Variants in PTPRN2 observed in about 807,000 individuals in gnomAD.
PTPRN2 encodes the protein protein tyrosine phosphatase receptor type N2.
PTPRN2 carries 74 observed loss-of-function variants against 118.8 expected under a neutral mutation model. The observed-to-expected ratio is 0.62, with a 90% confidence interval of 0.52 to 0.76. The LOEUF (loss-of-function observed/expected upper bound fraction) is 0.76, where lower values mean the gene tolerates loss of function less well. Among genes scored for constraint, PTPRN2 ranks in the 30% least tolerant of loss-of-function variants. The probability of loss-of-function intolerance (pLI) is 0.00; values close to 1 mark genes in which losing one functional copy is unlikely to be tolerated. For missense variants in PTPRN2, 1,481 were observed against 1,394.4 expected (o/e 1.06, Z -0.99); for synonymous variants, 641 against 608.0 (o/e 1.05, Z -0.80).
chr7:157,737,752 G>A (rs117251297), intron 12 of PTPRN2, among the ~76,000 whole-genome samples: 3,367 of 152,372 alleles, frequency 0.022, 48 homozygotes, highest in Non-Finnish European at 0.03. Flanking sequence ...CGTGGGTGCC[G>A]GCTGGGGCGC....
At chr7:157,835,283 A>G (rs1461797467) in intron 12 of PTPRN2, among the ~76,000 whole-genome samples, 1 of 152,184 alleles carries the variant, frequency 6.6e-6, no homozygotes, top group Non-Finnish European at 1.5e-5. Context: ...ACACAACGGG[A>G]AAAACAGGGT....
At chr7:158,077,174 G>T (rs998984721) in intron 11 of PTPRN2, among the ~76,000 whole-genome samples, 2 of 152,158 alleles carry the variant, frequency 1.3e-5, no homozygotes, top group East Asian at 3.9e-4. Flanking sequence ...GTCCAGTTCT[G>T]AGCCGGGATT....
At chr7:157,921,699 G>A (rs1440561424) in intron 11 of PTPRN2, among the ~76,000 whole-genome samples, 1 of 152,240 alleles carries the variant, frequency 6.6e-6, no homozygotes, top group East Asian at 1.9e-4. Context: ...CCAGGGCATG[G>A]CGCAGTAAGA....
intron 12 of PTPRN2, among the ~76,000 whole-genome samples, chr7:157,720,467 C>T (rs762330900): frequency 1.6e-4 from 25 of 152,226 alleles, no homozygotes; most frequent in African/African-American, 2.4e-4. Flanking sequence ...GTTGCACACC[C>T]GGGTCAAGGG....
In PTPRN2 at chr7:158,138,429, C is replaced by T. The variant is rs1585576217; in HGVS notation, c.997G>A (p.Ala333Thr). 6.2e-7 allele frequency: 1 copy of T among 1,613,280 alleles called. No individual in the cohort carries two copies. Residue 333 changes from alanine to threonine, a missense_variant, in exon 7 of 23, where the codon GCT becomes ACT. Ala to Thr is a moderately conservative substitution (Grantham distance 58). Coordinates refer to ENST00000389418, the MANE Select transcript of PTPRN2 (RefSeq NM_002847.5). ...TGCATCAGGCCAGCCATCAGCTCAG[C>T]CATGCCGTCCAGCTCCAGGCCACTC... Reference protein sequence around the residue: ...GLSGLELDGMAELMAGLMQGV... With the variant: ...GLSGLELDGMTELMAGLMQGV...
intron 2 of PTPRN2, among the ~76,000 whole-genome samples, chr7:158,356,325 CT>C (rs967028332): frequency 1.3e-5 from 2 of 152,196 alleles, no homozygotes; most frequent in African/African-American, 4.8e-5. Context: ...TCTTTTTCCC[CT>C]TTCATCCTGA....
intron 12 of PTPRN2, among the ~76,000 whole-genome samples, chr7:157,774,236 A>C (rs372117421): frequency 1.3e-5 from 2 of 152,254 alleles, no homozygotes; most frequent in East Asian, 1.9e-4. Flanking sequence ...AAATTAAAAA[A>C]GAAATGTTCC....
At chr7:157,957,555 A>C (rs1801264288) in intron 11 of PTPRN2, among the ~76,000 whole-genome samples, 1 of 151,954 alleles carries the variant, frequency 6.6e-6, no homozygotes, top group Admixed American at 6.6e-5. Context: ...TTATTTATCT[A>C]TTACTATTAA....
chr7:157,940,682 G>C (rs1444936451), intron 11 of PTPRN2, among the ~76,000 whole-genome samples: 128 of 64,794 alleles, frequency 2.0e-3, no homozygotes, highest in African/African-American at 6.4e-3. Context: ...CACTCTCCCC[G>C]AAGACACTGC....
intron 5 of PTPRN2, among the ~76,000 whole-genome samples, chr7:158,186,355 C>T (rs1391054756): frequency 6.6e-6 from 1 of 152,022 alleles, no homozygotes; most frequent in Admixed American, 6.5e-5. Flanking sequence ...GGGGGATAGT[C>T]TCCTGGCAGA....
At chr7:157,821,996 C>T (rs1010980898) in intron 12 of PTPRN2, among the ~76,000 whole-genome samples, 1 of 151,754 alleles carries the variant, frequency 6.6e-6, no homozygotes, top group African/African-American at 2.4e-5. Flanking sequence ...CATCATCCAT[C>T]CATCTACTCA....
intron 12 of PTPRN2, among the ~76,000 whole-genome samples, chr7:157,798,033 T>C (rs1052723658): frequency 6.6e-6 from 1 of 151,940 alleles, no homozygotes; most frequent in Admixed American, 6.6e-5. Context: ...CTGAGGCGGG[T>C]GGATCACCTG....
At chr7:158,072,116 TG>T (rs1390235038) in intron 11 of PTPRN2, among the ~76,000 whole-genome samples, 3 of 146,444 alleles carry the variant, frequency 2.0e-5, no homozygotes, top group African/African-American at 5.1e-5. Flanking sequence ...GTGCTCATGG[TG>T]GTGGAGGTGC....
chr7:157,684,003 C>T (rs1260771197), intron 12 of PTPRN2, among the ~76,000 whole-genome samples: 5 of 152,098 alleles, frequency 3.3e-5, no homozygotes, highest in African/African-American at 1.2e-4. Flanking sequence ...TATTCATTAT[C>T]TCTCTTCTAT....
At chr7:158,470,313 C>T (rs1733140) in intron 2 of PTPRN2, among the ~76,000 whole-genome samples, 105,430 of 152,110 alleles carry the variant, frequency 0.69, 36,747 homozygotes, top group Admixed American at 0.78. Context: ...TGGGATAAAC[C>T]GCTTGTTGCT....
chr7:158,071,415 C>G (rs370399991), intron 11 of PTPRN2, among the ~76,000 whole-genome samples: 712 of 11,082 alleles, frequency 0.064, 36 homozygotes, highest in Middle Eastern at 0.1. Context: ...GGAGTTGCTC[C>G]TGGTGGTGGA....
At position 158,335,342 on chromosome 7, in the gene PTPRN2, G is replaced by C. The variant is rs62480948; in HGVS notation, c.164-18410C>G. ...CACACCCATACTCTCACCATAAGAG[G>C]TGACACCTGCAGATATCACTCACAC... On this transcript the variant is annotated intron_variant, in intron 2 of 22. Transcript: ENST00000389418. Among the ~76,000 whole-genome samples the C allele has an allele frequency of 1.3e-3, 17 of 12,868 alleles. 5 individuals are homozygous for C. The highest frequency in any genetic ancestry group is 2.7e-3 in the Non-Finnish European group (11 of 4,114). 8.4% of individuals were successfully genotyped at this position (12,868 alleles called of 152,430 possible).
At chr7:157,872,833 C>T (rs991051676) in intron 12 of PTPRN2, among the ~76,000 whole-genome samples, 3 of 152,334 alleles carry the variant, frequency 2.0e-5, no homozygotes, top group African/African-American at 4.8e-5. Flanking sequence ...AGAGGGGTGA[C>T]GGGTGCTTTC....
At chr7:157,699,981 TG>T (rs1444166102) in intron 12 of PTPRN2, among the ~76,000 whole-genome samples, 1 of 152,244 alleles carries the variant, frequency 6.6e-6, no homozygotes, top group Non-Finnish European at 1.5e-5. Flanking sequence ...CTCATGAATC[TG>T]CCACATGTAA....
Sources: allele counts gnomAD v4.1 joint callset (sites outside exome capture counted in the v4.1 genomes callset), GRCh38; gene constraint gnomAD v4.1.1; transcripts MANE v1.5; gene names NCBI Gene and HGNC (gene_info 2026-07-23, HGNC 2026-07-21).